Variants in CCSER1 observed in about 807,000 individuals in gnomAD.
CCSER1 encodes the protein coiled-coil serine rich protein 1, also known as serine-rich coiled-coil domain-containing protein 1.
CCSER1 carries 41 observed loss-of-function variants against 82.0 expected under a neutral mutation model. The ratio of observed to expected loss-of-function variants is 0.50; its 90% CI spans 0.39 to 0.65. The LOEUF is 0.65. CCSER1 is among the 30% of genes least tolerant of loss of function. The pLI, the probability that CCSER1 is intolerant of heterozygous loss-of-function variation, is 0.00. For synonymous variants in CCSER1, 414 were observed against 383.9 expected (o/e 1.08, Z -0.92); for missense variants, 1,119 against 1,064.2 (o/e 1.05, Z -0.72).
intron 10 of CCSER1, among the ~76,000 whole-genome samples, chr4:91,205,619 C>G (rs1443814588): frequency 6.6e-6 from 1 of 151,258 alleles, no homozygotes; most frequent in Non-Finnish European, 1.5e-5. Flanking sequence ...TTTCCTTCCT[C>G]CTTCCCTCCC....
chr4:90,692,990 CT>C (rs1161121385), intron 6 of CCSER1, among the ~76,000 whole-genome samples: 1 of 151,860 alleles, frequency 6.6e-6, no homozygotes, highest in Non-Finnish European at 1.5e-5. Context: ...GCTAAAGAAA[CT>C]ATTACTATAC....
chr4:90,687,085 A>G (rs999845809), intron 6 of CCSER1, among the ~76,000 whole-genome samples: 1 of 152,236 alleles, frequency 6.6e-6, no homozygotes, highest in Non-Finnish European at 1.5e-5. Context: ...TTAAGATAAG[A>G]TATTTACAAT....
At chr4:91,189,117 A>ATT (rs924623483) in intron 10 of CCSER1, among the ~76,000 whole-genome samples, 4 of 151,608 alleles carry the variant, frequency 2.6e-5, no homozygotes, top group African/African-American at 9.7e-5. Context: ...ATGTTAATGG[A>ATT]TTTTTTTTTA....
Position 90,588,441 on chromosome 4 carries a change from T to C in CCSER1, c.1725-39584T>C, listed in dbSNP as rs149538752. On this transcript the variant is annotated intron_variant, in intron 5 of 10. Transcript: ENST00000509176. Reference sequence around the variant, plus strand: ...TTCTTCATTTATAAGAAGCAACTTCTCAAGCATTCAAATTTTGTTATGAGT... The same window carrying C: ...TTCTTCATTTATAAGAAGCAACTTCCCAAGCATTCAAATTTTGTTATGAGT... Among the ~76,000 whole-genome samples, 733 of 152,324 alleles carry C rather than the reference T, an allele frequency of 4.8e-3. 9 individuals are homozygous for C. Among genetic ancestry groups the C allele is most frequent in the African/African-American group, 0.017 (701 of 41,580 alleles).
At chr4:90,952,274 T>A (rs1732995129) in intron 9 of CCSER1, among the ~76,000 whole-genome samples, 1 of 152,134 alleles carries the variant, frequency 6.6e-6, no homozygotes. Context: ...TTTGTTACCA[T>A]CTTTAGAGCA....
chr4:90,213,400 G>A (rs1740399622), intron 1 of CCSER1, among the ~76,000 whole-genome samples: 1 of 152,144 alleles, frequency 6.6e-6, no homozygotes, highest in Non-Finnish European at 1.5e-5. Context: ...GGACATCTAA[G>A]TGAAAATGTT....
intron 5 of CCSER1, among the ~76,000 whole-genome samples, chr4:90,595,687 T>G (rs887220372): frequency 6.6e-6 from 1 of 152,012 alleles, no homozygotes; most frequent in African/African-American, 2.4e-5. Flanking sequence ...GAGAGACTTA[T>G]ATGCTTTAGT....
chr4:90,811,995 C>CACACACACACACACATATATATATATAT (rs367800484), intron 7 of CCSER1, among the ~76,000 whole-genome samples: 10 of 142,772 alleles, frequency 7.0e-5, no homozygotes, highest in African/African-American at 2.6e-4. Context: ...TATATAAACA[C>CACACACACACACACATATATATATATAT]ATATATATAT....
chr4:90,744,958 A>ATT (rs933600086), intron 7 of CCSER1, among the ~76,000 whole-genome samples: 3 of 125,992 alleles, frequency 2.4e-5, no homozygotes, highest in African/African-American at 1.1e-4. Flanking sequence ...TTTTATATAT[A>ATT]TTATATATAT....
In CCSER1 at chr4:90,946,624, C is replaced by CA. The variant is rs61298882; in HGVS notation, c.2172+23193dup. Among the ~76,000 whole-genome samples, 848 of 108,418 alleles carry CA rather than the reference C, an allele frequency of 7.8e-3. 7 individuals are homozygous for CA. Among genetic ancestry groups the CA allele is most frequent in the Middle Eastern group, 0.025 (5 of 204 alleles). 71.1% of individuals were successfully genotyped at this position (108,418 alleles called of 152,430 possible). A position where few individuals can be genotyped will look rare whatever the true frequency, so the allele number is the denominator to read the frequency against. On this transcript the variant is annotated intron_variant, in intron 9 of 10. Transcript: ENST00000509176. Reference sequence around the variant, plus strand: ...CCAGCCTGGAGGCAAGACTGCACCTCAAAAAAAAAAAAAAAAGAGATTATA... The same window carrying CA: ...CCAGCCTGGAGGCAAGACTGCACCTCAAAAAAAAAAAAAAAAAGAGATTATA...
chr4:90,889,177 T>C (rs768726586), intron 8 of CCSER1, among the ~76,000 whole-genome samples: 11 of 152,200 alleles, frequency 7.2e-5, no homozygotes, highest in Non-Finnish European at 1.6e-4. Flanking sequence ...TACAAATGAT[T>C]TCAATTCATA....
chr4:91,357,301 A>G (rs1316978701), intron 10 of CCSER1, among the ~76,000 whole-genome samples: 2 of 152,296 alleles, frequency 1.3e-5, no homozygotes, highest in Non-Finnish European at 1.5e-5. Context: ...AAAGCCTTGT[A>G]GACATATTTA....
intron 8 of CCSER1, among the ~76,000 whole-genome samples, chr4:90,827,544 T>C (rs1183544996): frequency 6.6e-6 from 1 of 152,132 alleles, no homozygotes; most frequent in Non-Finnish European, 1.5e-5. Flanking sequence ...GTGAGAATGG[T>C]GGGTTTCATC....
chr4:90,859,925 G>T (rs1340671500), intron 8 of CCSER1, among the ~76,000 whole-genome samples: 1 of 149,914 alleles, frequency 6.7e-6, no homozygotes, highest in Non-Finnish European at 1.5e-5. Context: ...TGAGACAGTT[G>T]TATTTAAAAA....
chr4:91,433,846 G>C (rs1754475563), intron 10 of CCSER1, among the ~76,000 whole-genome samples: 1 of 152,206 alleles, frequency 6.6e-6, no homozygotes, highest in South Asian at 2.1e-4. Flanking sequence ...TCAGAGCCTA[G>C]AAAATGGTAG....
At chr4:90,213,330 A>C (rs528046615) in intron 1 of CCSER1, among the ~76,000 whole-genome samples, 1 of 152,212 alleles carries the variant, frequency 6.6e-6, no homozygotes, top group East Asian at 1.9e-4. Context: ...TGAGATGAGC[A>C]AGTATTTGGA....
intron 5 of CCSER1, among the ~76,000 whole-genome samples, chr4:90,569,668 C>A (rs904369563): frequency 2.0e-5 from 3 of 152,162 alleles, no homozygotes; most frequent in African/African-American, 7.2e-5. Flanking sequence ...CTATGTGGAG[C>A]CAGAAGGTTT....
intron 3 of CCSER1, among the ~76,000 whole-genome samples, chr4:90,313,972 G>A (rs1735736563): frequency 6.6e-6 from 1 of 152,098 alleles, no homozygotes; most frequent in African/African-American, 2.4e-5. Flanking sequence ...TATCTCTATT[G>A]TTTTACATAA....
intron 10 of CCSER1, among the ~76,000 whole-genome samples, chr4:91,290,933 T>A (rs1743692663): frequency 6.6e-6 from 1 of 151,910 alleles, no homozygotes; most frequent in South Asian, 2.1e-4. Context: ...TATATTTTCC[T>A]TTTAAATAAT....
Sources: gnomAD v4.1 joint callset for allele counts (sites outside exome capture counted in the v4.1 genomes callset) on GRCh38, gnomAD v4.1.1 for gene constraint, MANE v1.5 for transcripts, NCBI Gene and HGNC (gene_info 2026-07-23, HGNC 2026-07-21) for gene names.